The following UBN1 variants were observed in gnomAD, a reference collection of about 807,000 sequenced individuals.
UBN1 encodes ubinuclein 1, also known as ubinuclein-1.
In UBN1, 17 loss-of-function variants were observed where a neutral mutation model predicts 108.5. That is an observed-to-expected ratio of 0.16 (90% CI 0.11 to 0.24). The LOEUF is 0.24. UBN1 is among the 10% of genes least tolerant of loss of function. The probability of loss-of-function intolerance (pLI) is 1.00; values close to 1 mark genes in which losing one functional copy is unlikely to be tolerated. For synonymous variants in UBN1, 726 were observed against 564.2 expected (o/e 1.29, Z -4.07); for missense variants, 1,595 against 1,394.4 (o/e 1.14, Z -2.29).
chr16:4,851,298 C>A (rs973187079), intron 1 of UBN1, among the ~76,000 whole-genome samples: 14 of 152,114 alleles, frequency 9.2e-5, no homozygotes, highest in African/African-American at 3.4e-4. Context: ...AACAACGTCC[C>A]TACAAAAAAT....
intron 2 of UBN1, among the ~76,000 whole-genome samples, chr16:4,853,525 C>CA (rs1001468009): frequency 1.4e-5 from 2 of 147,264 alleles, no homozygotes; most frequent in African/African-American, 5.0e-5. Context: ...TAGGGGCAGA[C>CA]AAAAAAACAC....
chr16:4,870,203 G>A lies in UBN1; in HGVS notation c.1182-9G>A, dbSNP rs201411135. On this transcript the variant is annotated splice_polypyrimidine_tract_variant and intron_variant, in intron 8 of 17. Transcript: ENST00000262376. ...CTGCAGCCGGTGGTGACTGTGTTTT[G>A]TTCTTCAGCATAGAGGCGCAGACTC... 6.2e-7 allele frequency: 1 copy of A among 1,614,142 alleles called. No individual in the cohort carries two copies. Among genetic ancestry groups the A allele is most frequent in the Non-Finnish European group, 8.5e-7 (1 of 1,179,982 alleles).
At chr16:4,879,155 T>C (rs1008300576) in intron 17 of UBN1, among the ~76,000 whole-genome samples, 2 of 152,218 alleles carry the variant, frequency 1.3e-5, no homozygotes, top group African/African-American at 2.4e-5. Flanking sequence ...AGGAGGATAT[T>C]GAACGTCGCC....
At chr16:4,852,630 CTTTAAGG>C in intron 1 of UBN1, 1 of 253,294 alleles carries the variant, frequency 3.9e-6, no homozygotes, top group East Asian at 9.2e-5. Flanking sequence ...AGCATGGGTT[CTTTAAGG>C]TCAAGGATCT....
At chr16:4,872,175 C>G in intron 12 of UBN1, 2 of 985,030 alleles carry the variant, frequency 2.0e-6, no homozygotes, top group Non-Finnish European at 2.4e-6. Context: ...AAATTGCTGT[C>G]CTCTCTACGT....
rs533518938 is a variant in UBN1 at position 4,880,406 on chromosome 16, G to A, written c.*274G>A. ...GGGGCAGCTCTAGGCTGGGGCTTGCGCTGGGCCGTGGTGGGAGGCACAGTG... is the reference window on the plus strand; with the variant it reads ...GGGGCAGCTCTAGGCTGGGGCTTGCACTGGGCCGTGGTGGGAGGCACAGTG... On this transcript the variant is annotated 3_prime_UTR_variant, in exon 18 of 18. Coordinates refer to ENST00000262376, the MANE Select transcript of UBN1 (RefSeq NM_001079514.3). The A allele has an allele frequency of 9.8e-5, 42 of 430,436 alleles. No homozygotes were observed. The highest frequency in any genetic ancestry group is 2.8e-4 in the South Asian group (9 of 32,308). 26.7% of individuals were successfully genotyped at this position (430,436 alleles called of 1,614,324 possible).
rs541173710 is a variant in UBN1, at chr16:4,877,501, C to T, written c.3355+27C>T. 22 of 1,593,578 alleles carry T rather than the reference C, an allele frequency of 1.4e-5. No individual in the cohort carries two copies. The highest frequency in any genetic ancestry group is 8.6e-5 in the Admixed American group (5 of 58,178). On this transcript the variant is annotated intron_variant, in intron 17 of 17. Transcript: ENST00000262376. This position sits in a 1 kb window ranked among gnomAD's most constrained non-coding sequence, Gnocchi z 4.3. ...TAATCACCCGACGGTCAGTGTGCCA[C>T]GCGCACCGTGTGCCTTTGCCCTCTC... is the stretch of plus-strand genomic sequence containing the variant.
In UBN1 at chr16:4,877,772, C is replaced by G; in HGVS notation, c.3355+298C>G. ...GTGTGCGGTGGAGGAGTTCCTAACC[C>G]TCGGCTTGTTTTTTTCTCTTCAGTT... On this transcript the variant is annotated intron_variant, in intron 17 of 17. Transcript: ENST00000262376. This position sits in a 1 kb window ranked among gnomAD's most constrained non-coding sequence, Gnocchi z 4.3. The G allele has an allele frequency of 1.8e-6, 2 of 1,142,666 alleles. No homozygotes were observed. The highest frequency in any genetic ancestry group is 2.1e-6 in the Non-Finnish European group (2 of 932,704). The allele number at this position is 1,142,666 out of a possible 1,614,324, so 70.8% of individuals were successfully genotyped here.
chr16:4,860,866 C>T lies in UBN1; in HGVS notation c.874C>T (p.Leu292Phe). 1.2e-6 allele frequency: 2 copies of T among 1,614,276 alleles called. No homozygotes were observed. Among genetic ancestry groups the T allele is most frequent in the Non-Finnish European group, 1.7e-6 (2 of 1,180,048 alleles). Residue 292 changes from leucine (L) to phenylalanine (F), a missense_variant, in exon 7 of 18, where the codon CTC becomes TTC. Coordinates refer to ENST00000262376, the MANE Select transcript of UBN1 (RefSeq NM_001079514.3). ...LEGASDPLLS[L>F]FGSTSDNDLL... ...GGGTGCCTCTGACCCCTTGCTCTCA[C>T]TCTTTGGCTCTACTTCTGACAACGA... is the stretch of plus-strand genomic sequence containing the variant.
At position 4,874,191 on chromosome 16, in the gene UBN1, A is replaced by T. The variant is rs777266354; in HGVS notation, c.1801-20A>T. 1.3e-6 allele frequency: 2 copies of T among 1,528,136 alleles called. No individual in the cohort carries two copies. The highest frequency in any genetic ancestry group is 2.8e-5 in the African/African-American group (2 of 72,250). The allele number at this position is 1,528,136 out of a possible 1,614,324, so 94.7% of individuals were successfully genotyped here. A position where few individuals can be genotyped will look rare whatever the true frequency, so the allele number is the denominator to read the frequency against. On this transcript the variant is annotated intron_variant, in intron 14 of 17. Transcript: ENST00000262376. ...CATCTTTGGACCTTTCTAAACATCA[A>T]CATTTCTGTTTTCCTTTAGGAATCG... is the stretch of plus-strand genomic sequence containing the variant.
In UBN1 at chr16:4,877,484, C is replaced by G; in HGVS notation, c.3355+10C>G. ...CCGCAGAGTCTGCCAGGTAATCACC[C>G]GACGGTCAGTGTGCCACGCGCACCG... On this transcript the variant is annotated intron_variant, in intron 17 of 17. Coordinates refer to ENST00000262376, the MANE Select transcript of UBN1 (RefSeq NM_001079514.3). The surrounding 1 kb of genome is among the most constrained non-coding windows in gnomAD (Gnocchi z 4.3). The G allele has an allele frequency of 6.2e-7, 1 of 1,606,890 alleles. No individual in the cohort carries two copies. The highest frequency in any genetic ancestry group is 8.5e-7 in the Non-Finnish European group (1 of 1,178,044).
At chr16:4,876,233 C>G (rs1265458209) in intron 15 of UBN1, among the ~76,000 whole-genome samples, 1 of 152,114 alleles carries the variant, frequency 6.6e-6, no homozygotes, top group East Asian at 1.9e-4. Flanking sequence ...GCTGGGATTG[C>G]AGGTGTGAGC....
intron 1 of UBN1, among the ~76,000 whole-genome samples, chr16:4,849,993 A>C (rs978358681): frequency 6.6e-6 from 1 of 151,096 alleles, no homozygotes; most frequent in African/African-American, 2.4e-5. Context: ...AATCTTTCCA[A>C]GGACTTAGGC....
chr16:4,866,513 A>G (rs2087339452), intron 7 of UBN1, among the ~76,000 whole-genome samples: 1 of 152,086 alleles, frequency 6.6e-6, no homozygotes, highest in African/African-American at 2.4e-5. Flanking sequence ...TCTATATTTT[A>G]TTTTATTATT....
chr16:4,879,997 T>C (rs2088030828), intron 17 of UBN1, 86 bp from the exon 18 acceptor site: 1 of 1,433,626 alleles, frequency 7.0e-7, no homozygotes, highest in Non-Finnish European at 9.8e-7. Context: ...TATTTAGGTG[T>C]CTCCCTTGAA....
chr16:4,872,643 A>G (rs547488912), intron 12 of UBN1, among the ~76,000 whole-genome samples: 14 of 152,026 alleles, frequency 9.2e-5, no homozygotes, highest in African/African-American at 3.4e-4. Flanking sequence ...TAATTTTAGT[A>G]TTTTTAGTAG....
chr16:4,868,633 C>A (rs1238377125), intron 7 of UBN1, among the ~76,000 whole-genome samples, 200 bp from the exon 8 acceptor site: 1 of 152,216 alleles, frequency 6.6e-6, no homozygotes, highest in East Asian at 1.9e-4. Flanking sequence ...TGGCAGCCCA[C>A]AGATGCTGCA....
rs780708008 is a variant in UBN1 at position 4,877,084 on chromosome 16, G to A, written c.3238G>A (p.Gly1080Arg). Residue 1080 changes from glycine (G) to arginine (R), a missense_variant, in exon 16 of 18, where the codon GGG (glycine) becomes AGG (arginine). This residue lies in a region of UBN1 where 1,398 missense variants were observed against 1,194.7 expected (regional missense o/e 1.17). Transcript: ENST00000262376. This position sits in a 1 kb window ranked among gnomAD's most constrained non-coding sequence, Gnocchi z 4.3. ...TGCCATCGTCACAGGCCCTGCCCCC[G>A]GGTCCTTCCACCATGGCCTTGGCCA... ...KDAIVTGPAP[G>R]SFHHGLGHSL... 3 of 1,612,894 alleles carry A rather than the reference G, an allele frequency of 1.9e-6. No homozygotes were observed. The highest frequency in any genetic ancestry group is 1.3e-5 in the African/African-American group (1 of 75,012).
chr16:4,880,838 C>T lies in UBN1; in HGVS notation c.*706C>T, dbSNP rs150789348. On this transcript the variant is annotated 3_prime_UTR_variant, in exon 18 of 18. Coordinates refer to ENST00000262376, the MANE Select transcript of UBN1 (RefSeq NM_001079514.3). ...ATTAAATGCATTGGATAGAAGGGGA[C>T]TGTTCTTCACACATCATATTATAGG... is the stretch of plus-strand genomic sequence containing the variant. 4.5e-3 allele frequency: 684 copies of T among 152,686 alleles called. 2 individuals are homozygous for T. The highest frequency in any genetic ancestry group is 5.9e-3 in the Non-Finnish European group (402 of 68,086). 9.5% of individuals were successfully genotyped at this position (152,686 alleles called of 1,614,324 possible). A position where few individuals can be genotyped will look rare whatever the true frequency, so the allele number is the denominator to read the frequency against.
Sources: allele counts gnomAD v4.1 joint callset (sites outside exome capture counted in the v4.1 genomes callset), GRCh38; gene constraint gnomAD v4.1.1; regional missense constraint gnomAD v4.1.1; non-coding constraint Gnocchi (gnomAD v3.1); transcripts MANE v1.5; gene names NCBI Gene and HGNC (gene_info 2026-07-23, HGNC 2026-07-21).